The following SLC16A2 variants were observed in gnomAD, a reference collection of about 807,000 sequenced individuals.
SLC16A2 encodes solute carrier family 16 member 2, also known as monocarboxylate transporter 8.
In SLC16A2, 3 loss-of-function variants were observed where a neutral mutation model predicts 27.2. The ratio of observed to expected loss-of-function variants is 0.11; its 90% CI spans 0.05 to 0.28. SLC16A2 has a LOEUF of 0.28. Ranked by LOEUF, SLC16A2 falls within the 10% of genes least tolerant of loss-of-function variation. SLC16A2 has a pLI of 1.00. For synonymous variants in SLC16A2, 202 were observed against 187.8 expected (o/e 1.08, Z -0.62); for missense variants, 295 against 458.5 (o/e 0.64, Z 3.26).
chrX:74,449,605 A>C (rs1175366185), intron 1 of SLC16A2, among the ~76,000 whole-genome samples: 2 of 111,775 alleles, frequency 1.8e-5, no homozygotes, highest in Non-Finnish European at 3.8e-5. Flanking sequence ...TTCCCACTGG[A>C]TGTGGGTGCC....
rs371939806 is a variant in SLC16A2 at position 74,524,032 on chromosome X, G to A, written c.576-327G>A. ...GTAGCCCCTCATCCAGCTTTTACAT[G>A]GGCTAGTTCTGGCTTTCCTTTGAAC... On this transcript the variant is annotated intron_variant, in intron 2 of 5. Transcript: ENST00000587091. Among the ~76,000 whole-genome samples the A allele has an allele frequency of 7.2e-5, 8 of 111,626 alleles. No homozygotes were observed. In the East Asian group the frequency reaches 1.7e-3, roughly 23 times the overall value.
chrX:74,489,113 C>T (rs1164134592), intron 1 of SLC16A2, among the ~76,000 whole-genome samples: 2 of 111,641 alleles, frequency 1.8e-5, no homozygotes, highest in Non-Finnish European at 3.8e-5. Context: ...ATAGTCATTC[C>T]TTAAGTTACT....
intron 1 of SLC16A2, among the ~76,000 whole-genome samples, chrX:74,449,700 T>G (rs552075): frequency 1.8e-5 from 2 of 110,483 alleles, no homozygotes; most frequent in Non-Finnish European, 3.8e-5. Flanking sequence ...GACTTCTCAG[T>G]GCATTGACTC....
chrX:74,480,187 C>T (rs905930184), intron 1 of SLC16A2, among the ~76,000 whole-genome samples: 2 of 112,067 alleles, frequency 1.8e-5, no homozygotes, highest in African/African-American at 6.5e-5. Context: ...CAATGTTGGG[C>T]GTCCCTCCCA....
intron 1 of SLC16A2, among the ~76,000 whole-genome samples, chrX:74,444,111 G>A (rs992555803): frequency 9.0e-6 from 1 of 111,556 alleles, no homozygotes; most frequent in Non-Finnish European, 1.9e-5. Context: ...ACATCTGAGG[G>A]AAAGGAGTTT....
intron 1 of SLC16A2, among the ~76,000 whole-genome samples, chrX:74,471,793 A>T (rs1194979489): frequency 8.9e-6 from 1 of 111,758 alleles, no homozygotes; most frequent in African/African-American, 3.2e-5. Context: ...CTCTGTGTCT[A>T]TTAAACATTT....
At chrX:74,460,074 C>T (rs1255419911) in intron 1 of SLC16A2, among the ~76,000 whole-genome samples, 1 of 111,812 alleles carries the variant, frequency 8.9e-6, no homozygotes, top group Non-Finnish European at 1.9e-5. Flanking sequence ...AAAGCAGCTG[C>T]ATCTGAGAAA....
chrX:74,506,959 G>T (rs1443865288), intron 1 of SLC16A2, among the ~76,000 whole-genome samples: 1 of 101,334 alleles, frequency 9.9e-6, no homozygotes, highest in Non-Finnish European at 2.0e-5. Flanking sequence ...TTGAGGCAGG[G>T]TCTCGCTTTG....
At chrX:74,529,710 G>A (rs1465418451) in intron 5 of SLC16A2, among the ~76,000 whole-genome samples, 1 of 106,585 alleles carries the variant, frequency 9.4e-6, no homozygotes, top group Admixed American at 1.0e-4. Flanking sequence ...CCTTCCAGCG[G>A]GGTGGAGAGA....
chrX:74,470,874 C>G (rs922884371), intron 1 of SLC16A2, among the ~76,000 whole-genome samples: 2 of 110,772 alleles, frequency 1.8e-5, no homozygotes, highest in Non-Finnish European at 3.8e-5. Context: ...GGAGGCGGAG[C>G]TTGCAGTGAG....
rs1394418462 is a variant in SLC16A2 at position 74,435,528 on chromosome X, T to TATATATGTGTATATATATATGC, written c.430+13467_430+13468insGTGTATATATATATGCATATAT. Among the ~76,000 whole-genome samples the TATATATGTGTATATATATATGC allele has an allele frequency of 4.0e-3, 266 of 65,681 alleles. 2 individuals are homozygous for TATATATGTGTATATATATATGC. Among genetic ancestry groups the TATATATGTGTATATATATATGC allele is most frequent in the African/African-American group, 6.5e-3 (79 of 12,108 alleles). 57.0% of individuals were successfully genotyped at this position (65,681 alleles called of 115,157 possible). On this transcript the variant is annotated intron_variant, in intron 1 of 5. Coordinates refer to ENST00000587091, the MANE Select transcript of SLC16A2 (RefSeq NM_006517.5). Reference sequence around the variant, plus strand: ...ATGTATATGCATATATATATATGCATATATATATGTATATATATATATATA... The same window carrying TATATATGTGTATATATATATGC: ...ATGTATATGCATATATATATATGCATATATATGTGTATATATATATGCATATATATGTATATATATATATATA...
chrX:74,444,021 A>T (rs1333542789), intron 1 of SLC16A2, among the ~76,000 whole-genome samples: 1 of 111,261 alleles, frequency 9.0e-6, no homozygotes, highest in Non-Finnish European at 1.9e-5. Context: ...GGGCAGGGGC[A>T]GGAGGAGGTG....
chrX:74,501,351 C>G (rs1930030243), intron 1 of SLC16A2, among the ~76,000 whole-genome samples: 1 of 111,076 alleles, frequency 9.0e-6, no homozygotes, highest in African/African-American at 3.3e-5. Flanking sequence ...TACTTGTGCC[C>G]CAATGGACAT....
chrX:74,462,984 G>A (rs1929180492), intron 1 of SLC16A2, among the ~76,000 whole-genome samples: 1 of 111,667 alleles, frequency 9.0e-6, no homozygotes, highest in Non-Finnish European at 1.9e-5. Context: ...TCTCTTTGTG[G>A]CTCAATTTAC....
At chrX:74,516,850 C>A (rs1930324948) in intron 1 of SLC16A2, among the ~76,000 whole-genome samples, 1 of 111,703 alleles carries the variant, frequency 9.0e-6, no homozygotes, top group Non-Finnish European at 1.9e-5. Flanking sequence ...AAAAAAAAAT[C>A]ATGACCCAGC....
At chrX:74,461,924 C>T (rs1929155024) in intron 1 of SLC16A2, among the ~76,000 whole-genome samples, 1 of 111,294 alleles carries the variant, frequency 9.0e-6, no homozygotes, top group Non-Finnish European at 1.9e-5. Flanking sequence ...CCCCTGAATC[C>T]CTCAAATCTG....
chrX:74,455,843 C>T (rs1259817731), intron 1 of SLC16A2, among the ~76,000 whole-genome samples: 1 of 111,474 alleles, frequency 9.0e-6, no homozygotes, highest in Non-Finnish European at 1.9e-5. Context: ...TTCACAAAGT[C>T]CATGAATATT....
At chrX:74,510,788 A>G (rs1259524343) in intron 1 of SLC16A2, among the ~76,000 whole-genome samples, 7 of 110,905 alleles carry the variant, frequency 6.3e-5, no homozygotes. Context: ...ATAGTGGCTC[A>G]TACCTGTAAT....
chrX:74,474,750 A>G (rs1056803736), intron 1 of SLC16A2, among the ~76,000 whole-genome samples: 4 of 110,103 alleles, frequency 3.6e-5, no homozygotes, highest in African/African-American at 1.3e-4. Flanking sequence ...TGTCCTTGCG[A>G]TAGTTTGCTG....
Sources: allele counts gnomAD v4.1 joint callset (sites outside exome capture counted in the v4.1 genomes callset), GRCh38; gene constraint gnomAD v4.1.1; transcripts MANE v1.5; gene names NCBI Gene and HGNC (gene_info 2026-07-23, HGNC 2026-07-21).